RBFOX3: variants seen among roughly 807,000 people sequenced by gnomAD.
RBFOX3 encodes the protein RNA binding protein fox-1 homolog 3.
A neutral mutation model predicts 48.7 loss-of-function variants in RBFOX3; 17 were observed. The ratio of observed to expected loss-of-function variants is 0.35; its 90% CI spans 0.24 to 0.52. The LOEUF (loss-of-function observed/expected upper bound fraction) is 0.52, where lower values mean the gene tolerates loss of function less well. Among genes scored for constraint, RBFOX3 ranks in the 20% least tolerant of loss-of-function variants. RBFOX3 has a pLI of 0.94. For synonymous variants in RBFOX3, 212 were observed against 209.5 expected, an observed-to-expected ratio of 1.01 and a Z score of -0.10; for missense variants, 382 against 497.5, an observed-to-expected ratio of 0.77 and a Z score of 2.21.
the RBFOX3 span, among the ~76,000 whole-genome samples, chr17:79,616,225 G>A: frequency 3.3e-5 from 5 of 152,170 alleles, no homozygotes; most frequent in East Asian, 7.7e-4. Flanking sequence ...CTATGTAGTC[G>A]TAACCTCCTT....
At chr17:79,210,920 C>T (rs2058295708) in intron 4 of RBFOX3, among the ~76,000 whole-genome samples, 1 of 151,778 alleles carries the variant, frequency 6.6e-6, no homozygotes, top group African/African-American at 2.4e-5. Flanking sequence ...GATGGGCCAC[C>T]TCGGTATCCC....
In RBFOX3 at chr17:79,592,881, C is replaced by G. The variant is rs1025562231; in HGVS notation, c.-320+17945G>C. ...ATCCCACAGCCATGTGCTCCCCTGC[C>G]CCTTCTCCCTGCCCAGAAGGAACCT... On this transcript the variant is annotated intron_variant, in intron 1 of 14. Coordinates refer to ENST00000693108, the MANE Select transcript of RBFOX3 (RefSeq NM_001350451.2). 3.2e-4 allele frequency among the ~76,000 whole-genome samples: 48 copies of G among 152,308 alleles called. No individual in the cohort carries two copies. The East Asian group carries it at 6.6e-3, about 21-fold the overall frequency.
intron 4 of RBFOX3, among the ~76,000 whole-genome samples, chr17:79,152,340 C>CACAGCAAAG (rs2044723085): frequency 6.6e-6 from 1 of 151,842 alleles, no homozygotes; most frequent in African/African-American, 2.4e-5. Context: ...GGTCAGCAAA[C>CACAGCAAAG]GTGGACACTG....
At position 79,124,393 on chromosome 17, in the gene RBFOX3, CA is replaced by C. The variant is rs539371492; in HGVS notation, c.-33-8646del. On this transcript the variant is annotated intron_variant, in intron 4 of 14. Coordinates refer to ENST00000693108, the MANE Select transcript of RBFOX3 (RefSeq NM_001350451.2). Reference sequence around the variant, plus strand: ...GGCTGTCTGCAAAGACTGCACTCGACATTTTAAAATCAAATGCAATTCAAGC... The same window carrying C: ...GGCTGTCTGCAAAGACTGCACTCGACTTTTAAAATCAAATGCAATTCAAGC... Among the ~76,000 whole-genome samples the C allele has an allele frequency of 4.2e-3, 633 of 152,362 alleles. 7 individuals carry two copies. Among genetic ancestry groups the C allele is most frequent in the African/African-American group, 0.015 (619 of 41,572 alleles).
intron 5 of RBFOX3, among the ~76,000 whole-genome samples, chr17:79,109,172 T>C (rs754577): frequency 0.95 from 144,098 of 152,222 alleles, 68,417 homozygotes; most frequent in Non-Finnish European, 0.98. Flanking sequence ...TGGAAAATGG[T>C]CATGGCTCTC....
At chr17:79,526,478 A>G (rs1295079387) in intron 1 of RBFOX3, among the ~76,000 whole-genome samples, 1 of 152,250 alleles carries the variant, frequency 6.6e-6, no homozygotes, top group Non-Finnish European at 1.5e-5. Context: ...ACTGACAAAC[A>G]GCGAGGTCAG....
chr17:79,604,382 T>C (rs2093779742), intron 1 of RBFOX3, among the ~76,000 whole-genome samples: 1 of 151,544 alleles, frequency 6.6e-6, no homozygotes, highest in Non-Finnish European at 1.5e-5. Context: ...TACCGGTGTG[T>C]GCGGCTCTCC....
intron 4 of RBFOX3, among the ~76,000 whole-genome samples, chr17:79,210,380 G>A (rs1252830979): frequency 6.6e-6 from 1 of 152,134 alleles, no homozygotes; most frequent in Non-Finnish European, 1.5e-5. Flanking sequence ...CTGTAATCAG[G>A]GGTCCTGCTT....
At chr17:79,216,999 G>A (rs907434405) in intron 4 of RBFOX3, among the ~76,000 whole-genome samples, 1 of 152,178 alleles carries the variant, frequency 6.6e-6, no homozygotes, top group Non-Finnish European at 1.5e-5. Flanking sequence ...AACATCCGAA[G>A]GCAGAGATAC....
At chr17:79,253,814 G>T (rs2148324996) in intron 3 of RBFOX3, among the ~76,000 whole-genome samples, 1 of 152,308 alleles carries the variant, frequency 6.6e-6, no homozygotes, top group South Asian at 2.1e-4. Context: ...GCCCTAGAGG[G>T]TTTTCACATG....
At position 79,421,526 on chromosome 17, in the gene RBFOX3, G is replaced by A. The variant is rs1286908097; in HGVS notation, c.-175+60928C>T. On this transcript the variant is annotated intron_variant, in intron 2 of 14. Coordinates refer to ENST00000693108, the MANE Select transcript of RBFOX3 (RefSeq NM_001350451.2). This position sits in a 1 kb window ranked among gnomAD's most constrained non-coding sequence, Gnocchi z 4.5. ...GCATGTGGGGAGGGACAGGGCCCAG[G>A]GCCTCACCTGGACAGGAGGCGAGGC... Among the ~76,000 whole-genome samples the A allele has an allele frequency of 1.3e-5, 2 of 152,114 alleles. No individual in the cohort carries two copies. Among genetic ancestry groups the A allele is most frequent in the Non-Finnish European group, 2.9e-5 (2 of 68,022 alleles).
chr17:79,110,318 C>A (rs1329223378), intron 5 of RBFOX3, among the ~76,000 whole-genome samples: 1 of 152,074 alleles, frequency 6.6e-6, no homozygotes, highest in African/African-American at 2.4e-5. Context: ...GGTCTAGTTG[C>A]CACACAGCAC....
At chr17:79,157,572 T>G (rs537673089) in intron 4 of RBFOX3, among the ~76,000 whole-genome samples, 1 of 151,980 alleles carries the variant, frequency 6.6e-6, no homozygotes, top group African/African-American at 2.4e-5. Context: ...GGGGGTGAGG[T>G]TGTACAGGGG....
At chr17:79,110,739 G>A (rs2030968958) in intron 5 of RBFOX3, among the ~76,000 whole-genome samples, 1 of 151,840 alleles carries the variant, frequency 6.6e-6, no homozygotes, top group African/African-American at 2.4e-5. Context: ...TGAAGCTGTT[G>A]GCTCCCACGT....
chr17:79,558,433 AGCTGAGGGGCGGG>A (rs2091938786), intron 1 of RBFOX3, among the ~76,000 whole-genome samples: 1 of 152,170 alleles, frequency 6.6e-6, no homozygotes, highest in African/African-American at 2.4e-5. Context: ...GGCTGGGGGC[AGCTGAGGGGCGGG>A]GCTGAGGGCC....
chr17:79,565,714 G>A (rs2092429946), intron 1 of RBFOX3, among the ~76,000 whole-genome samples: 2 of 151,950 alleles, frequency 1.3e-5, no homozygotes, highest in Non-Finnish European at 2.9e-5. Context: ...TTTAAAGTAG[G>A]GCATAAAGAT....
At chr17:79,468,569 AGGAT>A (rs1464748567) in intron 2 of RBFOX3, among the ~76,000 whole-genome samples, 5 of 151,174 alleles carry the variant, frequency 3.3e-5, no homozygotes, top group Non-Finnish European at 5.9e-5. Flanking sequence ...GACAGACAGG[AGGAT>A]GGATGAATGA....
chr17:79,572,287 A>G (rs1179955178), intron 1 of RBFOX3, among the ~76,000 whole-genome samples: 1 of 152,160 alleles, frequency 6.6e-6, no homozygotes, highest in Admixed American at 6.5e-5. Flanking sequence ...TTAGGGCAGC[A>G]TCGCCCCGCC....
chr17:79,534,937 A>T (rs143171509), intron 1 of RBFOX3, among the ~76,000 whole-genome samples: 1 of 152,234 alleles, frequency 6.6e-6, no homozygotes, highest in African/African-American at 2.4e-5. Flanking sequence ...CAGGGGGAGA[A>T]ATACGGGAGA....
Sources: gnomAD v4.1 joint callset for allele counts (sites outside exome capture counted in the v4.1 genomes callset) on GRCh38, gnomAD v4.1.1 for gene constraint, Gnocchi (gnomAD v3.1) non-coding constraint, MANE v1.5 for transcripts, NCBI Gene and HGNC (gene_info 2026-07-23, HGNC 2026-07-21) for gene names.